Variants in LDB2 observed in about 807,000 individuals in gnomAD.
LDB2 encodes the protein LIM domain binding 2, also known as LIM domain-binding protein 2.
LDB2 carries 12 observed loss-of-function variants against 44.3 expected under a neutral mutation model. The observed-to-expected ratio is 0.27, with a 90% CI of 0.17 to 0.44. The LOEUF (loss-of-function observed/expected upper bound fraction) is 0.44. LDB2 is among the 20% of genes least tolerant of loss of function. The probability of loss-of-function intolerance (pLI) is 1.00; values close to 1 mark genes in which losing one functional copy is unlikely to be tolerated. For synonymous variants in LDB2, 164 were observed against 174.8 expected (o/e 0.94, Z 0.49); for missense variants, 344 against 473.5 (o/e 0.73, Z 2.54).
At chr4:16,566,330 C>G (rs887552616) in intron 5 of LDB2, among the ~76,000 whole-genome samples, 4 of 151,396 alleles carry the variant, frequency 2.6e-5, no homozygotes, top group African/African-American at 9.7e-5. Context: ...GAACACAAAG[C>G]CAAAAAATAC....
chr4:16,863,136 T>C (rs909216785), intron 1 of LDB2, among the ~76,000 whole-genome samples: 1 of 152,222 alleles, frequency 6.6e-6, no homozygotes, highest in Non-Finnish European at 1.5e-5. Context: ...TATTGACTAA[T>C]GATTCCAACA....
chr4:16,818,567 G>A (rs553652691), intron 1 of LDB2, among the ~76,000 whole-genome samples: 5 of 152,238 alleles, frequency 3.3e-5, no homozygotes, highest in African/African-American at 9.6e-5. Flanking sequence ...ATAGAAGAAC[G>A]TGAGCCAGGA....
At chr4:16,740,231 T>C (rs959976564) in intron 2 of LDB2, among the ~76,000 whole-genome samples, 6 of 152,212 alleles carry the variant, frequency 3.9e-5, no homozygotes, top group Non-Finnish European at 8.8e-5. Context: ...GAAATCAGCT[T>C]TGTTTTCAAT....
At chr4:16,876,088 A>C (rs1718292329) in intron 1 of LDB2, among the ~76,000 whole-genome samples, 1 of 152,182 alleles carries the variant, frequency 6.6e-6, no homozygotes, top group South Asian at 2.1e-4. Flanking sequence ...GCCATTCCGC[A>C]ACCAACTCAA....
intron 2 of LDB2, among the ~76,000 whole-genome samples, chr4:16,701,988 T>C (rs757205728): frequency 3.9e-5 from 6 of 152,240 alleles, no homozygotes; most frequent in Admixed American, 6.5e-5. Flanking sequence ...GCTATCATTA[T>C]TGCCACTGCT....
intron 1 of LDB2, among the ~76,000 whole-genome samples, chr4:16,777,695 C>G (rs547291707): frequency 4.6e-5 from 7 of 152,234 alleles, no homozygotes; most frequent in African/African-American, 1.2e-4. Context: ...TAAATTCCTT[C>G]TCTCTTCTGG....
At chr4:16,897,222 G>A (rs1725271487) in intron 1 of LDB2, among the ~76,000 whole-genome samples, 1 of 152,176 alleles carries the variant, frequency 6.6e-6, no homozygotes, top group Non-Finnish European at 1.5e-5. Flanking sequence ...CCTTCCTAGA[G>A]TTAAAAGTCA....
rs1428946515 is a variant in LDB2 at position 16,749,595 on chromosome 4, T to A, written c.235+9563A>T. ...AAATAAAAAAATAAAAAAAAATATA[T>A]ATATATATATATGAGTCTCAAGTCC... On this transcript the variant is annotated intron_variant, in intron 2 of 7. Coordinates refer to ENST00000304523, the MANE Select transcript of LDB2 (RefSeq NM_001290.5). 8.9e-3 allele frequency among the ~76,000 whole-genome samples: 1,275 copies of A among 143,478 alleles called. 11 individuals are homozygous for A. The highest frequency in any genetic ancestry group is 0.02 in the African/African-American group (805 of 39,324). The allele number at this position is 143,478 out of a possible 152,430, so 94.1% of individuals were successfully genotyped here. A position where few individuals can be genotyped will look rare whatever the true frequency, so the allele number is the denominator to read the frequency against.
At chr4:16,888,487 T>G (rs567285658) in intron 1 of LDB2, among the ~76,000 whole-genome samples, 1 of 152,334 alleles carries the variant, frequency 6.6e-6, no homozygotes, top group South Asian at 2.1e-4. Context: ...ATGATTATTA[T>G]GTCATCCCTG....
chr4:16,759,734 T>C (rs1287320228), intron 1 of LDB2, among the ~76,000 whole-genome samples: 4 of 152,116 alleles, frequency 2.6e-5, no homozygotes, highest in Non-Finnish European at 2.9e-5. Flanking sequence ...TACACAAATA[T>C]CCCTATAAAA....
At chr4:16,614,583 A>AC (rs796358572) in intron 2 of LDB2, among the ~76,000 whole-genome samples, 3,756 of 121,922 alleles carry the variant, frequency 0.031, 57 homozygotes, top group East Asian at 0.096. Flanking sequence ...GAAAAAACAA[A>AC]AAAAAAAAAA....
intron 7 of LDB2, among the ~76,000 whole-genome samples, chr4:16,507,568 A>G (rs936306084): frequency 1.8e-4 from 28 of 152,176 alleles, no homozygotes; most frequent in African/African-American, 6.8e-4. Context: ...GAAAAGGTAA[A>G]ATTGTACTGG....
intron 5 of LDB2, among the ~76,000 whole-genome samples, chr4:16,538,817 C>T (rs1352755632): frequency 6.6e-6 from 1 of 152,100 alleles, no homozygotes; most frequent in African/African-American, 2.4e-5. Flanking sequence ...AAGTAGTCTG[C>T]ATGTATTTTT....
chr4:16,509,985 C>T (rs776943662), intron 6 of LDB2, among the ~76,000 whole-genome samples: 26 of 152,088 alleles, frequency 1.7e-4, no homozygotes, highest in Non-Finnish European at 2.8e-4. Context: ...TGTGGTGATA[C>T]GCACCAGGGG....
intron 2 of LDB2, among the ~76,000 whole-genome samples, chr4:16,664,064 T>G (rs1402384994): frequency 1.3e-5 from 2 of 152,110 alleles, no homozygotes; most frequent in Non-Finnish European, 2.9e-5. Context: ...GGAAGAGATG[T>G]CTTCTATAGT....
chr4:16,892,173 C>T (rs571003213), intron 1 of LDB2, among the ~76,000 whole-genome samples: 11 of 152,298 alleles, frequency 7.2e-5, no homozygotes, highest in South Asian at 4.1e-4. Flanking sequence ...AATATGCCCA[C>T]GATACACCGT....
chr4:16,558,270 G>A (rs994552551), intron 5 of LDB2, among the ~76,000 whole-genome samples: 7 of 152,138 alleles, frequency 4.6e-5, no homozygotes, highest in Non-Finnish European at 8.8e-5. Context: ...ACGAGCTACA[G>A]GAGGAAATGC....
chr4:16,561,515 C>T (rs142900314), intron 5 of LDB2, among the ~76,000 whole-genome samples: 1,782 of 152,088 alleles, frequency 0.012, 36 homozygotes, highest in African/African-American at 0.038. Flanking sequence ...TTACAAGGGA[C>T]GTGAAGGACC....
At chr4:16,815,537 C>T (rs564947332) in intron 1 of LDB2, among the ~76,000 whole-genome samples, 50 of 152,286 alleles carry the variant, frequency 3.3e-4, no homozygotes, top group Non-Finnish European at 6.2e-4. Context: ...TTCACAAGCA[C>T]TGATTTGTAA....
Sources: gnomAD v4.1 joint callset for allele counts (sites outside exome capture counted in the v4.1 genomes callset) on GRCh38, gnomAD v4.1.1 for gene constraint, MANE v1.5 for transcripts, NCBI Gene and HGNC (gene_info 2026-07-23, HGNC 2026-07-21) for gene names.